Variants in CTNNA3 observed in about 807,000 individuals in gnomAD.
CTNNA3 encodes the protein catenin alpha-3.
In CTNNA3, 76 loss-of-function variants were observed where a neutral mutation model predicts 95.7. The observed-to-expected ratio is 0.79, with a 90% confidence interval of 0.66 to 0.96. The LOEUF is 0.96. Among genes scored for constraint, CTNNA3 ranks in the 40% least tolerant of loss-of-function variants. The probability of loss-of-function intolerance (pLI) is 0.00; values close to 1 mark genes in which losing one functional copy is unlikely to be tolerated. For synonymous variants in CTNNA3, 431 were observed against 374.4 expected (o/e 1.15, Z -1.74); for missense variants, 1,191 against 1,089.8 (o/e 1.09, Z -1.31).
At chr10:67,208,326 C>T (rs1402310051) in intron 6 of CTNNA3, among the ~76,000 whole-genome samples, 2 of 148,400 alleles carry the variant, frequency 1.3e-5, no homozygotes, top group African/African-American at 2.5e-5. Context: ...TTGCAGTGAG[C>T]CGAGATCGTG....
intron 5 of CTNNA3, among the ~76,000 whole-genome samples, chr10:67,504,123 C>T (rs1281308688): frequency 6.8e-6 from 1 of 147,084 alleles, no homozygotes. Context: ...CGCCACTGCA[C>T]TCCAGCCTGG....
intron 5 of CTNNA3, among the ~76,000 whole-genome samples, chr10:67,427,511 T>C (rs1166327172): frequency 6.6e-6 from 1 of 152,020 alleles, no homozygotes; most frequent in East Asian, 1.9e-4. Context: ...AAAAAACTCA[T>C]ATTACTGCCG....
chr10:66,421,990 G>C (rs569301023), intron 11 of CTNNA3, among the ~76,000 whole-genome samples: 1 of 147,290 alleles, frequency 6.8e-6, no homozygotes, highest in African/African-American at 2.5e-5. Context: ...ATTCTTTGTA[G>C]AAATACCTTG....
In CTNNA3 at chr10:67,684,954, C is replaced by T. The variant is rs10450297; in HGVS notation, c.-6+11046G>A. On this transcript the variant is annotated intron_variant, in intron 1 of 17. Coordinates refer to ENST00000433211, the MANE Select transcript of CTNNA3 (RefSeq NM_013266.4). ...AACGCTGGGCGGCATCTTGTACTAT[C>T]CCTGACTGGTTAGTGTAAAAGCAAC... 8.6e-3 allele frequency among the ~76,000 whole-genome samples: 1,310 copies of T among 152,270 alleles called. 25 individuals carry two copies. Among genetic ancestry groups the T allele is most frequent in the African/African-American group, 0.029 (1,218 of 41,542 alleles).
At chr10:65,942,521 C>G (rs907324379) in intron 17 of CTNNA3, among the ~76,000 whole-genome samples, 2 of 152,062 alleles carry the variant, frequency 1.3e-5, no homozygotes, top group Non-Finnish European at 2.9e-5. Flanking sequence ...GACAGAAACT[C>G]CCTCTCAAAA....
At chr10:66,504,946 G>A (rs1840400237) in intron 11 of CTNNA3, among the ~76,000 whole-genome samples, 1 of 152,056 alleles carries the variant, frequency 6.6e-6, no homozygotes, top group Non-Finnish European at 1.5e-5. Flanking sequence ...GAAGTATTTA[G>A]AAACTATTAT....
intron 10 of CTNNA3, among the ~76,000 whole-genome samples, chr10:66,532,467 GAA>G (rs56400755): frequency 6.0e-4 from 82 of 136,004 alleles, no homozygotes; most frequent in Middle Eastern, 7.4e-3. Context: ...GTCTCAAAAA[GAA>G]AAAAAAAAAA....
intron 13 of CTNNA3, among the ~76,000 whole-genome samples, chr10:66,115,351 G>C (rs1017351019): frequency 6.6e-6 from 1 of 152,094 alleles, no homozygotes; most frequent in East Asian, 1.9e-4. Context: ...TCCCTGTTTT[G>C]TATGGTCTTT....
chr10:66,405,214 C>T (rs1274328713), intron 11 of CTNNA3, among the ~76,000 whole-genome samples: 1 of 152,076 alleles, frequency 6.6e-6, no homozygotes, highest in African/African-American at 2.4e-5. Context: ...GCACTCCTTG[C>T]TACACAGCTC....
At chr10:66,939,840 T>C (rs1384834635) in intron 7 of CTNNA3, among the ~76,000 whole-genome samples, 1 of 152,222 alleles carries the variant, frequency 6.6e-6, no homozygotes, top group Non-Finnish European at 1.5e-5. Flanking sequence ...ACCTTCTATT[T>C]GAAATTCCAA....
At chr10:67,380,936 A>T (rs1843918021) in intron 5 of CTNNA3, among the ~76,000 whole-genome samples, 1 of 152,218 alleles carries the variant, frequency 6.6e-6, no homozygotes, top group Non-Finnish European at 1.5e-5. Flanking sequence ...AATACCAAGA[A>T]TTAGAATCCT....
Position 67,732,906 on chromosome 10 carries a change from AC to A in CTNNA3, c.-2+30527del, listed in dbSNP as rs1564842673. 3.1e-3 allele frequency among the ~76,000 whole-genome samples: 381 copies of A among 123,350 alleles called. 2 individuals carry two copies. The highest frequency in any genetic ancestry group is 0.017 in the African/African-American group (356 of 21,442). 80.9% of individuals were successfully genotyped at this position (123,350 alleles called of 152,430 possible). A position where few individuals can be genotyped will look rare whatever the true frequency, so the allele number is the denominator to read the frequency against. ...CTCACGCACACACACACACACACAC[AC>A]ACACATTCTCTCTCTCAAGACTCCG... On this transcript the variant is annotated intron_variant, in intron 1 of 17. Transcript: ENST00000684154.
chr10:66,492,602 T>A (rs1839962495), intron 11 of CTNNA3, among the ~76,000 whole-genome samples: 1 of 152,108 alleles, frequency 6.6e-6, no homozygotes, highest in Admixed American at 6.6e-5. Flanking sequence ...TTTTCCCCAT[T>A]TTTTTGACAA....
chr10:67,620,349 C>T (rs923561698), intron 2 of CTNNA3, among the ~76,000 whole-genome samples: 1 of 152,180 alleles, frequency 6.6e-6, no homozygotes, highest in Non-Finnish European at 1.5e-5. Context: ...TCGGCAGGCA[C>T]TAAGTGTCCA....
chr10:66,584,791 A>G (rs572837822), intron 10 of CTNNA3, among the ~76,000 whole-genome samples: 1 of 152,004 alleles, frequency 6.6e-6, no homozygotes, highest in Non-Finnish European at 1.5e-5. Context: ...TGTGAATTTT[A>G]TGCTTTCAGG....
intron 7 of CTNNA3, among the ~76,000 whole-genome samples, chr10:66,865,198 G>GA (rs1194190501): frequency 9.3e-5 from 10 of 107,990 alleles, no homozygotes; most frequent in Non-Finnish European, 1.4e-4. Flanking sequence ...AACAGGCATG[G>GA]GGTGTGTGTG....
chr10:66,533,557 T>C (rs530370773), intron 10 of CTNNA3, among the ~76,000 whole-genome samples: 74 of 152,288 alleles, frequency 4.9e-4, no homozygotes, highest in African/African-American at 1.7e-3. Flanking sequence ...GACTAATCTC[T>C]ACTTTCCATT....
chr10:67,619,270 T>G (rs1156784423), intron 2 of CTNNA3, among the ~76,000 whole-genome samples: 2 of 152,178 alleles, frequency 1.3e-5, no homozygotes, highest in Non-Finnish European at 2.9e-5. Context: ...AAAACAGACA[T>G]GTAAAGCAAT....
chr10:66,263,015 T>A (rs2091050663), intron 13 of CTNNA3, among the ~76,000 whole-genome samples: 1 of 151,970 alleles, frequency 6.6e-6, no homozygotes, highest in African/African-American at 2.4e-5. Context: ...TACTTTCTTC[T>A]CAAAGTGATT....
Sources: allele counts gnomAD v4.1 joint callset (sites outside exome capture counted in the v4.1 genomes callset), GRCh38; gene constraint gnomAD v4.1.1; transcripts MANE v1.5; gene names NCBI Gene and HGNC (gene_info 2026-07-23, HGNC 2026-07-21).